Variants in CELF2 observed in about 807,000 individuals in gnomAD.
CELF2 encodes the protein CUG triplet repeat RNA-binding protein 2.
A neutral mutation model predicts 62.6 loss-of-function variants in CELF2; 8 were observed. The ratio of observed to expected loss-of-function variants is 0.13; its 90% CI spans 0.07 to 0.23. The LOEUF (loss-of-function observed/expected upper bound fraction) is 0.23. Ranked by LOEUF, CELF2 falls within the 10% of genes least tolerant of loss-of-function variation. CELF2 has a pLI of 1.00. For synonymous variants in CELF2, 258 were observed against 250.0 expected, an observed-to-expected ratio of 1.03 and a Z score of -0.30; for missense variants, 333 against 671.0, an observed-to-expected ratio of 0.50 and a Z score of 5.56.
At chr10:11,182,178 G>A (rs995327228) in intron 2 of CELF2, among the ~76,000 whole-genome samples, 2 of 152,202 alleles carry the variant, frequency 1.3e-5, no homozygotes, top group Admixed American at 6.5e-5. Context: ...CAGATGTTTC[G>A]TTTGGCTCCA....
intron 2 of CELF2, among the ~76,000 whole-genome samples, chr10:11,182,190 T>A (rs1443292348): frequency 6.6e-6 from 1 of 152,234 alleles, no homozygotes; most frequent in Non-Finnish European, 1.5e-5. Flanking sequence ...TTGGCTCCAG[T>A]GTGAAGAACC....
At chr10:11,183,403 G>T (rs1021493465) in intron 2 of CELF2, among the ~76,000 whole-genome samples, 1 of 152,210 alleles carries the variant, frequency 6.6e-6, no homozygotes, top group East Asian at 1.9e-4. Context: ...AAGCTGCTGG[G>T]AACATCCATG....
intron 9 of CELF2, among the ~76,000 whole-genome samples, chr10:11,293,351 C>T (rs898326319): frequency 2.0e-5 from 3 of 152,160 alleles, no homozygotes; most frequent in East Asian, 1.9e-4. Flanking sequence ...AGATTTTTGG[C>T]GGTAATTAGT....
At chr10:10,883,856 G>A (rs1479069326) in intron 1 of CELF2, among the ~76,000 whole-genome samples, 1 of 151,980 alleles carries the variant, frequency 6.6e-6, no homozygotes, top group Admixed American at 6.6e-5. Context: ...ATGAGGGCTA[G>A]GCATTCTCAT....
the CELF2 span, among the ~76,000 whole-genome samples, chr10:10,497,348 G>C: frequency 6.6e-6 from 1 of 152,160 alleles, no homozygotes; most frequent in Admixed American, 6.5e-5. Flanking sequence ...AGAGAATCAT[G>C]CATTCAGTTC....
At chr10:10,591,315 C>A in the CELF2 span, among the ~76,000 whole-genome samples, 1 of 151,922 alleles carries the variant, frequency 6.6e-6, no homozygotes, top group Non-Finnish European at 1.5e-5. Context: ...ACAGTGTATC[C>A]ACTCTATGGA....
the CELF2 span, among the ~76,000 whole-genome samples, chr10:10,640,813 T>A: frequency 1.3e-5 from 2 of 152,220 alleles, no homozygotes; most frequent in Non-Finnish European, 2.9e-5. Flanking sequence ...ATCCTTGGTT[T>A]TATTTCTCAT....
chr10:11,084,714 C>T (rs981923668), intron 1 of CELF2, among the ~76,000 whole-genome samples: 1 of 151,698 alleles, frequency 6.6e-6, no homozygotes, highest in Non-Finnish European at 1.5e-5. Context: ...AAGATTTTAC[C>T]TGATAATTAG....
chr10:10,764,682 C>T, the CELF2 span, among the ~76,000 whole-genome samples: 4 of 152,308 alleles, frequency 2.6e-5, no homozygotes, highest in South Asian at 4.1e-4. Flanking sequence ...CCTTCTAATG[C>T]CTTTTTAATA....
intron 1 of CELF2, among the ~76,000 whole-genome samples, chr10:10,896,384 A>G (rs2062557175): frequency 6.6e-6 from 1 of 152,206 alleles, no homozygotes; most frequent in African/African-American, 2.4e-5. Context: ...AAAGGATAAA[A>G]AAAGATACAC....
chr10:11,231,689 T>G (rs1373199977), intron 3 of CELF2, among the ~76,000 whole-genome samples: 6 of 145,642 alleles, frequency 4.1e-5, no homozygotes, highest in African/African-American at 1.6e-4. Flanking sequence ...ATGGTTGCTT[T>G]CTTTTTTTTT....
chr10:10,541,418 G>A, the CELF2 span, among the ~76,000 whole-genome samples: 1 of 152,058 alleles, frequency 6.6e-6, no homozygotes, highest in African/African-American at 2.4e-5. Flanking sequence ...AGTTTATTAA[G>A]AAAGTAAAGG....
chr10:11,279,756 C>G (rs554282357), intron 8 of CELF2, among the ~76,000 whole-genome samples: 1 of 152,146 alleles, frequency 6.6e-6, no homozygotes, highest in South Asian at 2.1e-4. Flanking sequence ...TTTTTTAAAT[C>G]TTAAGTTTCA....
chr10:11,126,609 A>C (rs1350753383), intron 1 of CELF2, among the ~76,000 whole-genome samples: 1 of 152,184 alleles, frequency 6.6e-6, no homozygotes, highest in Non-Finnish European at 1.5e-5. Flanking sequence ...GCAGCTACTT[A>C]ATATGCAGAG....
At chr10:11,212,502 C>CT (rs1203345870) in intron 2 of CELF2, among the ~76,000 whole-genome samples, 3 of 152,210 alleles carry the variant, frequency 2.0e-5, no homozygotes, top group Non-Finnish European at 4.4e-5. Flanking sequence ...TATTTCCCCT[C>CT]TAAGTTACAG....
chr10:11,170,700 G>A (rs2068592539), intron 2 of CELF2, among the ~76,000 whole-genome samples: 5 of 152,144 alleles, frequency 3.3e-5, no homozygotes. Context: ...TGAAGGGTTG[G>A]CAGTTGATGT....
chr10:10,948,437 G>C (rs894136593), intron 2 of CELF2: 1 of 152,108 alleles, frequency 6.6e-6, no homozygotes, highest in Non-Finnish European at 1.5e-5. Context: ...CTAAATTTGG[G>C]GGCTGCTGTC....
At chr10:11,025,239 G>GTGTGTGTGTATA (rs61580670) in intron 1 of CELF2, among the ~76,000 whole-genome samples, 1 of 140,998 alleles carries the variant, frequency 7.1e-6, no homozygotes, top group Admixed American at 7.4e-5. Context: ...GTGTGTGTGT[G>GTGTGTGTGTATA]TATATGTATG....
chr10:11,241,321 T>G (rs1339967810), intron 3 of CELF2, among the ~76,000 whole-genome samples: 1 of 152,218 alleles, frequency 6.6e-6, no homozygotes, highest in Non-Finnish European at 1.5e-5. Flanking sequence ...TGCCTCAGTC[T>G]CCCAAGTAGC....
Sources: allele counts gnomAD v4.1 joint callset (sites outside exome capture counted in the v4.1 genomes callset), GRCh38; gene constraint gnomAD v4.1.1; transcripts MANE v1.5; gene names NCBI Gene and HGNC (gene_info 2026-07-23, HGNC 2026-07-21).